MYH9: variants seen among roughly 807,000 people sequenced by gnomAD.
The protein encoded by MYH9 is myosin heavy chain 9, also known as myosin-9.
Under a neutral mutation model 241.9 loss-of-function variants are expected in MYH9, and 29 were observed. The ratio of observed to expected loss-of-function variants is 0.12; its 90% CI spans 0.09 to 0.16. MYH9 has a LOEUF of 0.16. MYH9 is among the 10% of genes least tolerant of loss of function. The probability of loss-of-function intolerance (pLI) is 1.00; values close to 1 mark genes in which losing one functional copy is unlikely to be tolerated. For synonymous variants in MYH9, 1,047 were observed against 1,062.6 expected (o/e 0.99, Z 0.29); for missense variants, 1,803 against 2,595.5 (o/e 0.69, Z 6.63).
At chr22:36,386,832 G>C (rs935400676) in intron 1 of MYH9, among the ~76,000 whole-genome samples, 16 of 152,268 alleles carry the variant, frequency 1.1e-4, no homozygotes, top group Non-Finnish European at 4.4e-5. Flanking sequence ...CCCCAGAACA[G>C]GATGGGGTGA....
Position 36,285,780 on chromosome 22 carries a change from C to T in MYH9, c.5152G>A (p.Ala1718Thr), listed in dbSNP as rs1276833575. The T allele has an allele frequency of 1.2e-6, 2 of 1,609,468 alleles. No individual in the cohort carries two copies. Among genetic ancestry groups the T allele is most frequent in the East Asian group, 2.2e-5 (1 of 44,658 alleles). Residue 1718 changes from alanine (A) to threonine (T), a missense_variant and splice_region_variant, in exon 37 of 41, where the codon GCC (alanine) becomes ACC (threonine). Physicochemically the swap from Ala to Thr is moderately conservative, Grantham distance 58. This residue lies in a region of MYH9 where 876 missense variants were observed against 1,077.8 expected (regional missense o/e 0.81). Transcript: ENST00000216181. The surrounding 1 kb of genome is among the most constrained non-coding windows in gnomAD (Gnocchi z 7.0). ...DEIANSSGKG[A>T]LALEEKRRLE... ...CGCCGCTTCTCCTCTAACGCCAGGGCTCTGCGGGGTGGGCGGGAGAAGTGA... is the reference window on the plus strand; with the variant it reads ...CGCCGCTTCTCCTCTAACGCCAGGGTTCTGCGGGGTGGGCGGGAGAAGTGA...
At position 36,348,246 on chromosome 22, in the gene MYH9, C is replaced by T. The variant is rs939280860; in HGVS notation, c.333+658G>A. Among the ~76,000 whole-genome samples, 9 of 150,844 alleles carry T rather than the reference C, an allele frequency of 6.0e-5. No homozygotes were observed. The East Asian group carries it at 1.2e-3, about 19-fold the overall frequency. On this transcript the variant is annotated intron_variant, in intron 2 of 40. Transcript: ENST00000216181. ...AAAACAGGCCAGGTGCGGTGGCTCG[C>T]GCCTGTAATGCCAGCACTTTGGGAG...
intron 1 of MYH9, among the ~76,000 whole-genome samples, chr22:36,367,685 C>T (rs1046056857): frequency 2.0e-5 from 3 of 152,302 alleles, no homozygotes; most frequent in Non-Finnish European, 2.9e-5. Flanking sequence ...ACGTGACTAC[C>T]GCTTACTTTA....
At chr22:36,378,166 C>T (rs1040158002) in intron 1 of MYH9, among the ~76,000 whole-genome samples, 2 of 151,368 alleles carry the variant, frequency 1.3e-5, no homozygotes, top group African/African-American at 4.9e-5. Flanking sequence ...ATCCCAGCTA[C>T]TTAGGAGGCT....
chr22:36,306,093 T>G lies in MYH9; in HGVS notation c.2038-42A>C. On this transcript the variant is annotated intron_variant, in intron 16 of 40. Coordinates refer to ENST00000216181, the MANE Select transcript of MYH9 (RefSeq NM_002473.6). The surrounding 1 kb of genome is among the most constrained non-coding windows in gnomAD (Gnocchi z 4.1). ...ATGCATGCGGTCTCACTTCCGTGCC[T>G]AGAACAGTCGGAGAATAGTCAGGGA... The G allele has an allele frequency of 5.0e-6, 8 of 1,610,402 alleles. No homozygotes were observed. The highest frequency in any genetic ancestry group is 6.8e-6 in the Non-Finnish European group (8 of 1,179,914).
rs1018641511 is a variant in MYH9 at position 36,293,126 on chromosome 22, T to C, written c.4095+203A>G. Among the ~76,000 whole-genome samples the C allele has an allele frequency of 2.0e-5, 3 of 152,202 alleles. No homozygotes were observed. The highest frequency in any genetic ancestry group is 6.5e-5 in the Admixed American group (1 of 15,288). On this transcript the variant is annotated intron_variant, in intron 30 of 40. Transcript: ENST00000216181. This position sits in a 1 kb window ranked among gnomAD's most constrained non-coding sequence, Gnocchi z 5.1. ...AAATAAAGGTGTAAAATAGTGAAAA[T>C]AGTGGTGTCCCCCATCTAAGTCCAC...
rs1479109063 is a variant in MYH9, at chr22:36,349,106, G to C, written c.131C>G (p.Ala44Gly). 1.9e-6 allele frequency: 3 copies of C among 1,614,188 alleles called. No homozygotes were observed. The highest frequency in any genetic ancestry group is 2.2e-5 in the South Asian group (2 of 91,080). ...TTCGCCCACCTCCTCCTTGAGGCTG[G>C]CTGGCTCAAAGCCACTCTTGTCGGA... The part of the protein sequence containing the change: ...VPSDKSGFEP[A>G]SLKEEVGEEA... The change falls in exon 2 of 41, where the codon GCC becomes GGC. Residue 44 changes from alanine (A) to glycine (G), a missense_variant. Coordinates refer to ENST00000216181, the MANE Select transcript of MYH9 (RefSeq NM_002473.6).
chr22:36,385,507 G>A (rs2018338059), intron 1 of MYH9, among the ~76,000 whole-genome samples: 1 of 152,132 alleles, frequency 6.6e-6, no homozygotes, highest in Non-Finnish European at 1.5e-5. Context: ...TGATTAACAT[G>A]CGTCCTTCAT....
chr22:36,367,287 G>A (rs1426904439), intron 1 of MYH9, among the ~76,000 whole-genome samples: 1 of 152,164 alleles, frequency 6.6e-6, no homozygotes, highest in Non-Finnish European at 1.5e-5. Context: ...GAGGGAGGCC[G>A]ATTCTCCTGC....
Position 36,361,342 on chromosome 22 carries a change from C to A in MYH9, c.-19-12087G>T, listed in dbSNP as rs145509042. 5.7e-3 allele frequency among the ~76,000 whole-genome samples: 874 copies of A among 152,284 alleles called. 14 individuals carry two copies. The highest frequency in any genetic ancestry group is 0.02 in the African/African-American group (835 of 41,558). ...CCATCTGCAGGTTCTGCCTTTGCCT[C>A]CTTGAAGCGGGCATGGAGGGGGGCT... On this transcript the variant is annotated intron_variant, in intron 1 of 40. Coordinates refer to ENST00000216181, the MANE Select transcript of MYH9 (RefSeq NM_002473.6).
intron 1 of MYH9, among the ~76,000 whole-genome samples, chr22:36,361,740 T>C (rs958718333): frequency 2.6e-5 from 4 of 152,050 alleles, no homozygotes; most frequent in South Asian, 2.1e-4. Flanking sequence ...CTAGGGATAA[T>C]TGGGGAGGAG....
intron 3 of MYH9, among the ~76,000 whole-genome samples, chr22:36,332,906 A>G (rs1750248220): frequency 6.6e-6 from 1 of 152,128 alleles, no homozygotes; most frequent in Non-Finnish European, 1.5e-5. Flanking sequence ...GGTTTGTCAG[A>G]CTGGAGGGAA....
rs1272298108 is a variant in MYH9, at chr22:36,284,483, G to A, written c.5512C>T (p.Arg1838Cys). The A allele has an allele frequency of 1.2e-6, 2 of 1,612,988 alleles. No homozygotes were observed. Among genetic ancestry groups the A allele is most frequent in the Non-Finnish European group, 1.7e-6 (2 of 1,180,020 alleles). The change falls in exon 39 of 41, where the codon CGT becomes TGT. Residue 1838 changes from arginine (R) to cysteine (C), a missense_variant. Physicochemically the swap from Arg to Cys is radical, Grantham distance 180 (BLOSUM62 -3). This residue lies in a region of MYH9 where 876 missense variants were observed against 1,077.8 expected (regional missense o/e 0.81). Transcript: ENST00000216181. ...KERQAACKQV[R>C]RTEKKLKDVL... ...TCCTTCAGCTTCTTCTCGGTCCGAC[G>A]CACCTGTTTGCAGGCTGCCTGGCGC...
In MYH9 at chr22:36,325,218, T is replaced by G. The variant is rs561235657; in HGVS notation, c.612+1350A>C. 1,389 of 672,524 alleles carry G rather than the reference T, an allele frequency of 2.1e-3. 25 individuals carry two copies. The South Asian group carries it at 0.022, about 11-fold the overall frequency. The allele number at this position is 672,524 out of a possible 1,614,324, so 41.7% of individuals were successfully genotyped here. A position where few individuals can be genotyped will look rare whatever the true frequency, so the allele number is the denominator to read the frequency against. Reference sequence around the variant, plus strand: ...ACAGAAGAAAAGAAACTGTATTAGTTTCTAAATATAACTCCTGACGCCCCA... The same window carrying G: ...ACAGAAGAAAAGAAACTGTATTAGTGTCTAAATATAACTCCTGACGCCCCA... On this transcript the variant is annotated intron_variant, in intron 5 of 40. Coordinates refer to ENST00000216181, the MANE Select transcript of MYH9 (RefSeq NM_002473.6).
At chr22:36,377,062 C>CAA (rs11448075) in intron 1 of MYH9, among the ~76,000 whole-genome samples, 16,250 of 144,682 alleles carry the variant, frequency 0.11, 1,069 homozygotes, top group Non-Finnish European at 0.15. Flanking sequence ...GACCCTACCT[C>CAA]AAAAAAAAAA....
At chr22:36,373,941 A>G (rs889208956) in intron 1 of MYH9, among the ~76,000 whole-genome samples, 8 of 152,204 alleles carry the variant, frequency 5.3e-5, no homozygotes, top group Non-Finnish European at 2.9e-5. Context: ...TGTAAAATAC[A>G]TGTGTATATG....
At chr22:36,314,647 T>G (rs4820233) in intron 12 of MYH9, among the ~76,000 whole-genome samples, 1 of 151,774 alleles carries the variant, frequency 6.6e-6, no homozygotes, top group Admixed American at 6.6e-5. Context: ...ATTGTTTTTT[T>G]TTTTTATTTT....
Position 36,295,680 on chromosome 22 carries a change from T to G in MYH9, c.3310A>C (p.Lys1104Gln). The G allele has an allele frequency of 6.2e-7, 1 of 1,613,830 alleles. No individual in the cohort carries two copies. Among genetic ancestry groups the G allele is most frequent in the Non-Finnish European group, 8.5e-7 (1 of 1,179,966 alleles). ...TGAGATTCCAGCTCCCGGATCTTCT[T>G]GAGGGCCATGTTCTTCTGGGCAGCT... is the stretch of plus-strand genomic sequence containing the variant. ...EEAAQKNMAL[K>Q]KIRELESQIS... The change falls in exon 26 of 41, where the codon AAG becomes CAG. Residue 1104 changes from lysine to glutamine, a missense_variant. Lys to Gln is a moderately conservative substitution (Grantham distance 53, BLOSUM62 1). This residue lies in a region of MYH9 where 290 missense variants were observed against 360.5 expected (regional missense o/e 0.80). Coordinates refer to ENST00000216181, the MANE Select transcript of MYH9 (RefSeq NM_002473.6). The surrounding 1 kb of genome is among the most constrained non-coding windows in gnomAD (Gnocchi z 4.1).
rs372262711 is a variant in MYH9 at position 36,322,456 on chromosome 22, G to T, written c.678C>A (p.Thr226=). ...AGCGGGAGGAGTTGTCATTCTTCAC[G>T]GTCTTGGCGTTCCCGAAGGCCTCCA... ...PILEAFGNAK[T]VKNDNSSRFG... Residue 226 remains threonine (T), a synonymous_variant, in exon 6 of 41, where the codon ACC becomes ACA. Coordinates refer to ENST00000216181, the MANE Select transcript of MYH9 (RefSeq NM_002473.6). 7 of 1,613,828 alleles carry T rather than the reference G, an allele frequency of 4.3e-6. No homozygotes were observed. The highest frequency in any genetic ancestry group is 4.5e-5 in the East Asian group (2 of 44,894).
Sources: allele counts gnomAD v4.1 joint callset (sites outside exome capture counted in the v4.1 genomes callset), GRCh38; gene constraint gnomAD v4.1.1; regional missense constraint gnomAD v4.1.1; non-coding constraint Gnocchi (gnomAD v3.1); transcripts MANE v1.5; gene names NCBI Gene and HGNC (gene_info 2026-07-23, HGNC 2026-07-21).